The following TLK1 variants were observed in gnomAD, a reference collection of about 807,000 sequenced individuals.
The protein encoded by TLK1 is serine/threonine-protein kinase tousled-like 1.
A neutral mutation model predicts 105.3 loss-of-function variants in TLK1; 24 were observed. The ratio of observed to expected loss-of-function variants is 0.23; its 90% CI spans 0.17 to 0.32. TLK1 has a LOEUF of 0.32. TLK1 is among the 10% of genes least tolerant of loss of function. The pLI is 1.00. For synonymous variants in TLK1, 321 were observed against 310.4 expected, an observed-to-expected ratio of 1.03 and a Z score of -0.36; for missense variants, 558 against 910.5, an observed-to-expected ratio of 0.61 and a Z score of 4.98.
At chr2:171,069,498 G>C (rs1252459731) in intron 3 of TLK1, among the ~76,000 whole-genome samples, 1 of 152,162 alleles carries the variant, frequency 6.6e-6, no homozygotes. Context: ...CACTGAGGAT[G>C]GCGGTAACAA....
chr2:171,135,577 G>C (rs1422317359), intron 1 of TLK1, among the ~76,000 whole-genome samples: 1 of 151,894 alleles, frequency 6.6e-6, no homozygotes, highest in Non-Finnish European at 1.5e-5. Context: ...GAGGAGGGTG[G>C]ATCACCTGAG....
At chr2:171,053,401 T>C (rs756986661) in intron 8 of TLK1, among the ~76,000 whole-genome samples, 3 of 152,012 alleles carry the variant, frequency 2.0e-5, no homozygotes, top group Non-Finnish European at 4.4e-5. Context: ...TCTCACTCTG[T>C]CGCCAGGCTG....
intron 1 of TLK1, among the ~76,000 whole-genome samples, chr2:171,186,444 C>CCTTG (rs1486607271): frequency 3.3e-5 from 5 of 152,164 alleles, no homozygotes; most frequent in African/African-American, 1.2e-4. Context: ...GAGTAAAAGC[C>CCTTG]CTTGTCATTT....
At chr2:171,174,906 T>G (rs1463930140) in intron 1 of TLK1, among the ~76,000 whole-genome samples, 3 of 152,174 alleles carry the variant, frequency 2.0e-5, no homozygotes, top group Non-Finnish European at 2.9e-5. Context: ...TTTTAAATGA[T>G]TTTTATTTAT....
At position 171,145,749 on chromosome 2, in the gene TLK1, T is replaced by C. The variant is rs73976123; in HGVS notation, c.139+14541A>G. ...CACACAAAGTAATATTATAGTGCAA[T>C]TAAAATTACAGTTTCAGAAAATAAT... is the stretch of plus-strand genomic sequence containing the variant. On this transcript the variant is annotated intron_variant, in intron 1 of 20. Coordinates refer to ENST00000431350, the MANE Select transcript of TLK1 (RefSeq NM_012290.5). Among the ~76,000 whole-genome samples, 453 of 152,306 alleles carry C rather than the reference T, an allele frequency of 3.0e-3. 1 individual carries two copies. Among genetic ancestry groups the C allele is most frequent in the African/African-American group, 0.01 (435 of 41,556 alleles).
intron 1 of TLK1, among the ~76,000 whole-genome samples, chr2:171,222,610 C>T (rs11687760): frequency 1 from 151,601 of 152,246 alleles, 75,486 homozygotes; most frequent in Middle Eastern, 1. Context: ...CTTTTTAAAT[C>T]TTTATGGCTA....
At chr2:171,222,884 G>C (rs1460074576) in intron 1 of TLK1, among the ~76,000 whole-genome samples, 1 of 151,856 alleles carries the variant, frequency 6.6e-6, no homozygotes, top group Admixed American at 6.6e-5. Flanking sequence ...GTGCAATCTC[G>C]GCTCACTGCA....
intron 4 of TLK1, among the ~76,000 whole-genome samples, chr2:171,060,186 CAT>C (rs1687686441): frequency 6.6e-6 from 1 of 152,140 alleles, no homozygotes; most frequent in Admixed American, 6.5e-5. Flanking sequence ...AGGAAAAAAA[CAT>C]GGTTCAACCA....
chr2:171,180,364 T>C (rs1267034614), intron 1 of TLK1, among the ~76,000 whole-genome samples: 1 of 152,174 alleles, frequency 6.6e-6, no homozygotes, highest in Non-Finnish European at 1.5e-5. Context: ...TTCTTGAGTA[T>C]GGATAATTGA....
At chr2:171,189,165 A>ATT (rs368305495) in intron 1 of TLK1, among the ~76,000 whole-genome samples, 31 of 137,568 alleles carry the variant, frequency 2.3e-4, no homozygotes, top group African/African-American at 4.5e-4. Flanking sequence ...TGATAGTACA[A>ATT]TTTTTTTTTT....
chr2:171,058,335 A>T, intron 4 of TLK1, 138 bp from the exon 5 acceptor site: 1 of 747,336 alleles, frequency 1.3e-6, no homozygotes. Flanking sequence ...GCCAATTTTT[A>T]AAAGTTCCAG....
chr2:171,082,265 A>T (rs938575055), intron 3 of TLK1, among the ~76,000 whole-genome samples: 2 of 152,154 alleles, frequency 1.3e-5, no homozygotes, highest in African/African-American at 4.8e-5. Flanking sequence ...TGGTGGGATC[A>T]GTAAGTGGGT....
chr2:171,122,820 C>G lies in TLK1; in HGVS notation c.140-4963G>C, dbSNP rs971567798. 6.6e-5 allele frequency among the ~76,000 whole-genome samples: 10 copies of G among 152,132 alleles called. No individual in the cohort carries two copies. In the South Asian group the frequency reaches 2.1e-3, roughly 32 times the overall value. On this transcript the variant is annotated intron_variant, in intron 1 of 20. Transcript: ENST00000431350. ...TTGGGAGACTGAGGAGGGCGGATCA[C>G]TTAAGGTCAGGAGTTCAAGACCAGC...
At chr2:171,199,244 C>T (rs1334060494) in intron 1 of TLK1, among the ~76,000 whole-genome samples, 1 of 152,226 alleles carries the variant, frequency 6.6e-6, no homozygotes, top group African/African-American at 2.4e-5. Flanking sequence ...GGTGCAGTGG[C>T]TCATGCCTAT....
intron 3 of TLK1, among the ~76,000 whole-genome samples, chr2:171,066,447 A>G (rs1272368891): frequency 6.6e-6 from 1 of 152,242 alleles, no homozygotes; most frequent in African/African-American, 2.4e-5. Context: ...TCTTACAGGT[A>G]TACTTAAAGT....
intron 1 of TLK1, among the ~76,000 whole-genome samples, chr2:171,122,457 G>A (rs188345018): frequency 2.0e-5 from 3 of 152,060 alleles, no homozygotes; most frequent in East Asian, 1.9e-4. Context: ...TCCACAAACC[G>A]ACCACACCAG....
At chr2:171,041,383 C>G (rs915048633) in intron 11 of TLK1, among the ~76,000 whole-genome samples, 9 of 152,196 alleles carry the variant, frequency 5.9e-5, no homozygotes, top group Non-Finnish European at 1.3e-4. Context: ...CCACATCTGT[C>G]TGACTACAGA....
At chr2:171,144,610 T>C (rs1171242752) in intron 1 of TLK1, among the ~76,000 whole-genome samples, 1 of 151,954 alleles carries the variant, frequency 6.6e-6, no homozygotes, top group Non-Finnish European at 1.5e-5. Flanking sequence ...TAGAAAATAC[T>C]TGAGATGAAT....
intron 2 of TLK1, among the ~76,000 whole-genome samples, chr2:171,091,070 T>C (rs951516262): frequency 6.6e-6 from 1 of 152,298 alleles, no homozygotes; most frequent in African/African-American, 2.4e-5. Context: ...CTGGTTTTTA[T>C]ATAAAGTTTT....
Sources: allele counts gnomAD v4.1 joint callset (sites outside exome capture counted in the v4.1 genomes callset), GRCh38; gene constraint gnomAD v4.1.1; transcripts MANE v1.5; gene names NCBI Gene and HGNC (gene_info 2026-07-23, HGNC 2026-07-21).